The following ADAM15 variants were observed in gnomAD, a reference collection of about 807,000 sequenced individuals.
ADAM15 encodes the protein disintegrin and metalloproteinase domain-containing protein 15.
In ADAM15, 77 loss-of-function variants were observed where a neutral mutation model predicts 113.8. The ratio of observed to expected loss-of-function variants is 0.68; its 90% CI spans 0.56 to 0.82. The LOEUF (loss-of-function observed/expected upper bound fraction) is 0.82. Among genes scored for constraint, ADAM15 ranks in the 40% least tolerant of loss-of-function variants. The probability of loss-of-function intolerance (pLI) is 0.00; values close to 1 mark genes in which losing one functional copy is unlikely to be tolerated. For synonymous variants in ADAM15, 388 were observed against 454.1 expected (o/e 0.85, Z 1.85); for missense variants, 963 against 1,120.1 (o/e 0.86, Z 2.00).
chr1:155,061,989 G>C lies in ADAM15; in HGVS notation c.2424+14G>C. 2 of 1,570,864 alleles carry C rather than the reference G, an allele frequency of 1.3e-6. No individual in the cohort carries two copies. Among genetic ancestry groups the C allele is most frequent in the Non-Finnish European group, 1.7e-6 (2 of 1,155,572 alleles). On this transcript the variant is annotated intron_variant, in intron 21 of 22. Transcript: ENST00000356955. Reference sequence around the variant, plus strand: ...AGAAGCCCGAAGGTAACGGTGGGGGGAGAGAAGGGCACGGCCTCTCCCCCC... The same window carrying C: ...AGAAGCCCGAAGGTAACGGTGGGGGCAGAGAAGGGCACGGCCTCTCCCCCC...
In ADAM15 at chr1:155,058,834, G is replaced by T. The variant is rs1304273975; in HGVS notation, c.1995+47G>T. The T allele has an allele frequency of 1.3e-6, 2 of 1,566,542 alleles. No homozygotes were observed. The highest frequency in any genetic ancestry group is 2.7e-5 in the African/African-American group (2 of 73,270). ...GGAAGGGGAGCAGAGAGCCTCTAGA[G>T]AGGAAAAGGATACTGGGCTTTGGAA... On this transcript the variant is annotated intron_variant, in intron 16 of 22. Coordinates refer to ENST00000356955, the MANE Select transcript of ADAM15 (RefSeq NM_207197.3). The surrounding 1 kb of genome is among the most constrained non-coding windows in gnomAD (Gnocchi z 4.3).
rs1250853654 is a variant in ADAM15 at position 155,062,157 on chromosome 1, A to AAGCTGGTGTTCCCC, written c.2425-84_2425-71dup. On this transcript the variant is annotated intron_variant, in intron 21 of 22. Coordinates refer to ENST00000356955, the MANE Select transcript of ADAM15 (RefSeq NM_207197.3). This position sits in a 1 kb window ranked among gnomAD's most constrained non-coding sequence, Gnocchi z 7.0. ...AAGGGTGACCGCTGGTGCTGCCCCC[A>AAGCTGGTGTTCCCC]AGCTGGTGTTCCCCAGCACCAGTGC... 6.9e-7 allele frequency: 1 copy of AAGCTGGTGTTCCCC among 1,443,908 alleles called. No homozygotes were observed. The highest frequency in any genetic ancestry group is 9.1e-7 in the Non-Finnish European group (1 of 1,096,446). The allele number at this position is 1,443,908 out of a possible 1,614,324, so 89.4% of individuals were successfully genotyped here. A position where few individuals can be genotyped will look rare whatever the true frequency, so the allele number is the denominator to read the frequency against.
At chr1:155,055,590 A>T in intron 6 of ADAM15, 200 bp from the exon 7 acceptor site, 1 of 611,328 alleles carries the variant, frequency 1.6e-6, no homozygotes, top group Non-Finnish European at 2.9e-6. Flanking sequence ...GCAGGGGTCT[A>T]CTCCAACCTT....
chr1:155,053,193 G>A (rs1661327474), intron 2 of ADAM15, among the ~76,000 whole-genome samples: 1 of 148,064 alleles, frequency 6.8e-6, no homozygotes, highest in African/African-American at 2.5e-5. Context: ...TCCTCTCTGG[G>A]CAGGAAGCCG....
intron 19 of ADAM15, 83 bp from the exon 20 acceptor site, chr1:155,061,331 CT>C (rs999400673): frequency 4.2e-5 from 43 of 1,031,800 alleles, no homozygotes; most frequent in Admixed American, 2.4e-4. Flanking sequence ...CTGGCCCCCC[CT>C]GGGCACTGAC....
At chr1:155,053,630 T>C in intron 3 of ADAM15, 137 bp downstream of exon 3, 1 of 945,178 alleles carries the variant, frequency 1.1e-6, no homozygotes, top group South Asian at 1.5e-5. Flanking sequence ...CATGTATTAT[T>C]GTCCTCACTT....
intron 1 of ADAM15, chr1:155,052,361 G>A: frequency 1.3e-6 from 1 of 768,210 alleles, no homozygotes; most frequent in Non-Finnish European, 2.1e-6. Flanking sequence ...GATTGGGAGG[G>A]AGTGGGAACC....
chr1:155,057,180 C>G lies in ADAM15; in HGVS notation c.1149-8C>G. On this transcript the variant is annotated splice_polypyrimidine_tract_variant and splice_region_variant and intron_variant, in intron 11 of 22. Transcript: ENST00000356955. The surrounding 1 kb of genome is among the most constrained non-coding windows in gnomAD (Gnocchi z 5.0). ...CCCAGCCCCAACCTTCCTTGCCACC[C>G]TCCCCAGCTTCCTACCAGGCCTGAA... The G allele has an allele frequency of 6.2e-7, 1 of 1,607,448 alleles. No homozygotes were observed. The highest frequency in any genetic ancestry group is 8.5e-7 in the Non-Finnish European group (1 of 1,174,870).
In ADAM15 at chr1:155,055,709, G is replaced by A. The variant is rs1206816842; in HGVS notation, c.613-81G>A. ...CTCCTATTTGACCCACAGAGTAGGAGTGGCTGCCTCTTGGTCAGCCCGGCA... is the reference window on the plus strand; with the variant it reads ...CTCCTATTTGACCCACAGAGTAGGAATGGCTGCCTCTTGGTCAGCCCGGCA... On this transcript the variant is annotated intron_variant, in intron 6 of 22. Coordinates refer to ENST00000356955, the MANE Select transcript of ADAM15 (RefSeq NM_207197.3). 17 of 1,468,956 alleles carry A rather than the reference G, an allele frequency of 1.2e-5. No homozygotes were observed. In the East Asian group the frequency reaches 3.8e-4, roughly 33 times the overall value. The allele number at this position is 1,468,956 out of a possible 1,614,324, so 91.0% of individuals were successfully genotyped here. A position where few individuals can be genotyped will look rare whatever the true frequency, so the allele number is the denominator to read the frequency against.
rs769538671 is a variant in ADAM15 at position 155,057,917 on chromosome 1, G to C, written c.1483G>C (p.Gly495Arg). 6.2e-7 allele frequency: 1 copy of C among 1,612,534 alleles called. No individual in the cohort carries two copies. Among genetic ancestry groups the C allele is most frequent in the Non-Finnish European group, 8.5e-7 (1 of 1,180,040 alleles). ...TTGTGACTTGCCTGAATTCTGCCCA[G>C]GAGACAGCTCCCAGTGTCCCCCTGA... ...GDCDLPEFCPGDSSQCPPDVS... is the reference protein window; with the variant it reads ...GDCDLPEFCPRDSSQCPPDVS... Residue 495 changes from glycine (G) to arginine (R), a missense_variant, in exon 14 of 23, where the codon GGA becomes CGA. Transcript: ENST00000356955. The surrounding 1 kb of genome is among the most constrained non-coding windows in gnomAD (Gnocchi z 5.0).
Position 155,062,606 on chromosome 1 carries a change from G to T in ADAM15, c.*104G>T. 1.4e-6 allele frequency: 2 copies of T among 1,473,016 alleles called. No individual in the cohort carries two copies. The highest frequency in any genetic ancestry group is 9.3e-7 in the Non-Finnish European group (1 of 1,080,282). 91.2% of individuals were successfully genotyped at this position (1,473,016 alleles called of 1,614,324 possible). A position where few individuals can be genotyped will look rare whatever the true frequency, so the allele number is the denominator to read the frequency against. On this transcript the variant is annotated 3_prime_UTR_variant, in exon 23 of 23. Coordinates refer to ENST00000356955, the MANE Select transcript of ADAM15 (RefSeq NM_207197.3). This position sits in a 1 kb window ranked among gnomAD's most constrained non-coding sequence, Gnocchi z 7.0. ...TGACTGAAGGCGCCAGAGACTGGCG[G>T]TGTCTTAAGACTCCGGGCACCGCCA...
intron 6 of ADAM15, among the ~76,000 whole-genome samples, 158 bp downstream of exon 6, chr1:155,054,664 C>T (rs1661526114): frequency 6.6e-6 from 1 of 152,094 alleles, no homozygotes. Context: ...TCCTCCCATA[C>T]CTAGGAGGTA....
intron 6 of ADAM15, chr1:155,055,291 TCTCGG>T (rs1169677724): frequency 6.4e-6 from 1 of 156,820 alleles, no homozygotes; most frequent in Non-Finnish European, 1.4e-5. Context: ...AGTGGCATGA[TCTCGG>T]CTCACTGCAA....
rs769371744 is a variant in ADAM15 at position 155,054,198 on chromosome 1, G to A, written c.391G>A (p.Val131Met). Residue 131 changes from valine (V) to methionine (M), a missense_variant, in exon 5 of 23, where the codon GTG (valine) becomes ATG (methionine). Val to Met is a conservative substitution (Grantham distance 21, BLOSUM62 1). Coordinates refer to ENST00000356955, the MANE Select transcript of ADAM15 (RefSeq NM_207197.3). ...GRVRGYAGSW[V>M]SICTCSGLRG... ...AGTGCGGGGATATGCAGGCTCCTGG[G>A]TGTCCATCTGCACCTGCTCTGGGCT... The A allele has an allele frequency of 6.2e-7, 1 of 1,608,556 alleles. No homozygotes were observed. The highest frequency in any genetic ancestry group is 2.2e-5 in the East Asian group (1 of 44,880).
chr1:155,058,705 G>A lies in ADAM15; in HGVS notation c.1918-5G>A. ...CTGATCCAGGCTCTTCTCTCCCTGG[G>A]TCAGGTGTGTATAGACCATCGATGC... On this transcript the variant is annotated splice_region_variant and splice_polypyrimidine_tract_variant and intron_variant, in intron 15 of 22. Transcript: ENST00000356955. The surrounding 1 kb of genome is among the most constrained non-coding windows in gnomAD (Gnocchi z 4.3). The A allele has an allele frequency of 6.2e-7, 1 of 1,613,152 alleles. No individual in the cohort carries two copies. The highest frequency in any genetic ancestry group is 8.5e-7 in the Non-Finnish European group (1 of 1,179,568).
chr1:155,056,887 G>T lies in ADAM15; in HGVS notation c.1000-66G>T. 2 of 1,511,478 alleles carry T rather than the reference G, an allele frequency of 1.3e-6. No individual in the cohort carries two copies. The highest frequency in any genetic ancestry group is 1.8e-6 in the Non-Finnish European group (2 of 1,129,064). 93.6% of individuals were successfully genotyped at this position (1,511,478 alleles called of 1,614,324 possible). A position where few individuals can be genotyped will look rare whatever the true frequency, so the allele number is the denominator to read the frequency against. The stretch of plus-strand genomic sequence containing the variant: ...ACGTGGAGGGAACAGGAGCAGAGAG[G>T]GTGGTCTGGGCATTGTGGTGGAGGC... On this transcript the variant is annotated intron_variant, in intron 10 of 22. Transcript: ENST00000356955. The surrounding 1 kb of genome is among the most constrained non-coding windows in gnomAD (Gnocchi z 4.0).
rs1273542634 is a variant in ADAM15, at chr1:155,053,940, G to A, written c.294G>A (p.Val98=). The A allele has an allele frequency of 2.5e-6, 4 of 1,614,188 alleles. No homozygotes were observed. The highest frequency in any genetic ancestry group is 2.2e-5 in the East Asian group (1 of 44,884). Reference sequence around the variant, plus strand: ...TGGTCCCAGGCCGCCCAACCCTGGTGTGGTACCAGCCCGATGGCACTCGGG... The same window carrying A: ...TGGTCCCAGGCCGCCCAACCCTGGTATGGTACCAGCCCGATGGCACTCGGG... The part of the protein sequence containing the change: ...RELVPGRPTL[V]WYQPDGTRVV... Residue 98 remains valine (V), a synonymous_variant, in exon 4 of 23, where the codon GTG becomes GTA. Transcript: ENST00000356955.
chr1:155,061,103 C>G, intron 19 of ADAM15: 1 of 581,918 alleles, frequency 1.7e-6, no homozygotes, highest in Non-Finnish European at 3.1e-6. Context: ...TGGATCTATC[C>G]ATGCCCCCAG....
rs756863240 is a variant in ADAM15 at position 155,057,154 on chromosome 1, C to T, written c.1149-34C>T. On this transcript the variant is annotated intron_variant, in intron 11 of 22. Transcript: ENST00000356955. This position sits in a 1 kb window ranked among gnomAD's most constrained non-coding sequence, Gnocchi z 5.0. ...TGTGGGGCAGGGGGCAGGGAGAGGCCCCCAGCCCCAACCTTCCTTGCCACC... is the reference window on the plus strand; with the variant it reads ...TGTGGGGCAGGGGGCAGGGAGAGGCTCCCAGCCCCAACCTTCCTTGCCACC... 4 of 1,599,078 alleles carry T rather than the reference C, an allele frequency of 2.5e-6. No individual in the cohort carries two copies.
Sources: gnomAD v4.1 joint callset for allele counts (sites outside exome capture counted in the v4.1 genomes callset) on GRCh38, gnomAD v4.1.1 for gene constraint, Gnocchi (gnomAD v3.1) non-coding constraint, MANE v1.5 for transcripts, NCBI Gene and HGNC (gene_info 2026-07-23, HGNC 2026-07-21) for gene names.